Variants in CAST observed in about 807,000 individuals in gnomAD.
CAST encodes the protein MIR583 host.
In CAST, 76 loss-of-function variants were observed where a neutral mutation model predicts 119.6. The observed-to-expected ratio is 0.64, with a 90% CI of 0.53 to 0.77. CAST has a LOEUF of 0.77. Ranked by LOEUF, CAST falls within the 30% of genes least tolerant of loss-of-function variation. The probability of loss-of-function intolerance (pLI) is 0.00; values close to 1 mark genes in which losing one functional copy is unlikely to be tolerated. For missense variants in CAST, 953 were observed against 946.5 expected (o/e 1.01, Z -0.09); for synonymous variants, 319 against 331.6 (o/e 0.96, Z 0.41).
upstream of CAST, among the ~76,000 whole-genome samples, chr5:96,523,929 A>G (rs1745557889): frequency 6.6e-6 from 1 of 152,244 alleles, no homozygotes; most frequent in African/African-American, 2.4e-5. Flanking sequence ...AGAAGCTGGG[A>G]AATGTAGTGT....
the CAST span, among the ~76,000 whole-genome samples, chr5:96,306,107 T>G: frequency 6.6e-6 from 1 of 152,228 alleles, no homozygotes; most frequent in Non-Finnish European, 1.5e-5. Context: ...GGCTATTAAT[T>G]GCTGTCTCAA....
chr5:96,029,517 A>G, the CAST span, among the ~76,000 whole-genome samples: 1 of 152,134 alleles, frequency 6.6e-6, no homozygotes, highest in African/African-American at 2.4e-5. Context: ...ACCATGAAGG[A>G]GAAGCTTCAT....
the CAST span, among the ~76,000 whole-genome samples, chr5:96,185,492 G>T: frequency 6.6e-6 from 1 of 151,982 alleles, no homozygotes; most frequent in African/African-American, 2.4e-5. Flanking sequence ...GTTTTACATT[G>T]AAGTCTTTAA....
chr5:96,420,948 C>T, the CAST span, among the ~76,000 whole-genome samples: 1 of 152,208 alleles, frequency 6.6e-6, no homozygotes, highest in Non-Finnish European at 1.5e-5. Flanking sequence ...CTTGTAGCAA[C>T]AAGCCCTAAT....
At chr5:96,050,818 C>T in the CAST span, among the ~76,000 whole-genome samples, 3 of 152,136 alleles carry the variant, frequency 2.0e-5, no homozygotes, top group South Asian at 2.1e-4. Context: ...CAAGGGAGAC[C>T]GATGGGCGAG....
chr5:96,448,173 A>G, the CAST span, among the ~76,000 whole-genome samples: 1 of 152,336 alleles, frequency 6.6e-6, no homozygotes, highest in Admixed American at 6.5e-5. Flanking sequence ...TCCTAGGTGA[A>G]TTCCAGAAAG....
At chr5:95,979,319 C>T in the CAST span, among the ~76,000 whole-genome samples, 1 of 152,022 alleles carries the variant, frequency 6.6e-6, no homozygotes, top group African/African-American at 2.4e-5. Context: ...TGCATTTATC[C>T]TATTAAACAA....
the CAST span, among the ~76,000 whole-genome samples, chr5:96,426,893 C>A: frequency 6.6e-6 from 1 of 152,150 alleles, no homozygotes; most frequent in Non-Finnish European, 1.5e-5. Context: ...AAATATACTG[C>A]AAACCTATTA....
At chr5:96,746,487 T>C in intron 17 of CAST, 62 bp downstream of exon 17, 1 of 934,462 alleles carries the variant, frequency 1.1e-6, no homozygotes, top group Non-Finnish European at 1.8e-6. Flanking sequence ...TTTTGTTGTA[T>C]CTGTACCCTT....
the CAST span, among the ~76,000 whole-genome samples, chr5:96,310,562 C>CTT: frequency 1.9e-4 from 26 of 134,420 alleles, no homozygotes; most frequent in South Asian, 7.5e-4. Flanking sequence ...AGGTCTTAGG[C>CTT]TTTTTTTTTT....
the CAST span, among the ~76,000 whole-genome samples, chr5:96,388,028 A>C: frequency 3.9e-5 from 6 of 152,322 alleles, no homozygotes; most frequent in African/African-American, 1.4e-4. Context: ...AGATACTCTC[A>C]ATATGGGGGT....
chr5:96,471,846 A>AT, the CAST span, among the ~76,000 whole-genome samples: 13 of 149,860 alleles, frequency 8.7e-5, no homozygotes, highest in Admixed American at 2.7e-4. Context: ...TTTAGCTTAC[A>AT]TTTTTTTTCT....
At chr5:96,763,509 A>G (rs931571402) in intron 25 of CAST, among the ~76,000 whole-genome samples, 1 of 152,246 alleles carries the variant, frequency 6.6e-6, no homozygotes. Flanking sequence ...GAAGGCTATC[A>G]GTAAACATTT....
At chr5:96,454,058 ATT>A in the CAST span, among the ~76,000 whole-genome samples, 1 of 151,988 alleles carries the variant, frequency 6.6e-6, no homozygotes, top group Non-Finnish European at 1.5e-5. Flanking sequence ...GTAGATAAAA[ATT>A]TTTTGTTTTG....
chr5:96,243,463 T>G, the CAST span, among the ~76,000 whole-genome samples: 40 of 152,204 alleles, frequency 2.6e-4, no homozygotes, highest in East Asian at 7.7e-3. Flanking sequence ...TTTTTAAAAT[T>G]TTTTTTGGTT....
chr5:96,749,482 C>A (rs1764491990), intron 19 of CAST, among the ~76,000 whole-genome samples: 1 of 152,144 alleles, frequency 6.6e-6, no homozygotes, highest in Non-Finnish European at 1.5e-5. Flanking sequence ...GGATAGGCTT[C>A]CATAAAAGTC....
At chr5:96,385,960 C>A in the CAST span, among the ~76,000 whole-genome samples, 1 of 152,198 alleles carries the variant, frequency 6.6e-6, no homozygotes, top group Non-Finnish European at 1.5e-5. Flanking sequence ...CAGCTCTACT[C>A]CTTGCTATCT....
chr5:96,668,999 A>C (rs1028070939), intron 1 of CAST, among the ~76,000 whole-genome samples: 5 of 152,170 alleles, frequency 3.3e-5, no homozygotes, highest in Non-Finnish European at 5.9e-5. Context: ...GGCAAAGGGA[A>C]TACCACCCAC....
the CAST span, among the ~76,000 whole-genome samples, chr5:96,210,419 G>A: frequency 1.3e-5 from 2 of 151,956 alleles, no homozygotes; most frequent in East Asian, 3.9e-4. Flanking sequence ...ATGTGCAATT[G>A]CTCCAGTGCC....
Sources: gnomAD v4.1 joint callset for allele counts (sites outside exome capture counted in the v4.1 genomes callset) on GRCh38, gnomAD v4.1.1 for gene constraint, MANE v1.5 for transcripts, NCBI Gene and HGNC (gene_info 2026-07-23, HGNC 2026-07-21) for gene names.